ASCC3: variants seen among roughly 807,000 people sequenced by gnomAD.
The protein encoded by ASCC3 is activating signal cointegrator 1 complex subunit 3, also known as ASC-1 complex subunit P200.
A neutral mutation model predicts 256.3 loss-of-function variants in ASCC3; 158 were observed. The ratio of observed to expected loss-of-function variants is 0.62; its 90% CI spans 0.54 to 0.70. The LOEUF (loss-of-function observed/expected upper bound fraction) is 0.70. ASCC3 is among the 30% of genes least tolerant of loss of function. ASCC3 has a pLI of 0.00. For missense variants in ASCC3, 2,259 were observed against 2,626.0 expected (o/e 0.86, Z 3.05); for synonymous variants, 948 against 883.4 (o/e 1.07, Z -1.30).
chr6:100,704,080 G>C (rs1362273904), intron 13 of ASCC3, among the ~76,000 whole-genome samples: 1 of 151,334 alleles, frequency 6.6e-6, no homozygotes, highest in East Asian at 1.9e-4. Flanking sequence ...AATATGGATA[G>C]GGGAATTTCA....
intron 22 of ASCC3, among the ~76,000 whole-genome samples, chr6:100,644,780 AC>A (rs1306529936): frequency 1.3e-5 from 2 of 152,118 alleles, no homozygotes; most frequent in East Asian, 3.9e-4. Flanking sequence ...CATGACAAAT[AC>A]TGGCCCAATT....
chr6:100,596,193 A>G (rs1772286646), intron 34 of ASCC3, among the ~76,000 whole-genome samples: 1 of 152,128 alleles, frequency 6.6e-6, no homozygotes, highest in South Asian at 2.1e-4. Flanking sequence ...ATATTACACA[A>G]TGAGAATGTA....
chr6:100,649,461 T>C (rs1354016376), intron 20 of ASCC3, among the ~76,000 whole-genome samples: 2 of 151,566 alleles, frequency 1.3e-5, no homozygotes, highest in Non-Finnish European at 3.0e-5. Flanking sequence ...AAAGAATATA[T>C]AAATATTTTC....
chr6:100,695,769 T>C (rs1778052387), intron 13 of ASCC3, among the ~76,000 whole-genome samples: 1 of 152,174 alleles, frequency 6.6e-6, no homozygotes, highest in South Asian at 2.1e-4. Context: ...CCATAGCTCC[T>C]ATACAAGCTC....
At chr6:100,587,172 A>G (rs976952753) in intron 36 of ASCC3, among the ~76,000 whole-genome samples, 1 of 152,124 alleles carries the variant, frequency 6.6e-6, no homozygotes, top group African/African-American at 2.4e-5. Flanking sequence ...ATCATCCTGC[A>G]CCCTACAGCT....
chr6:100,521,271 C>T (rs755147088), intron 37 of ASCC3, among the ~76,000 whole-genome samples: 7 of 152,114 alleles, frequency 4.6e-5, no homozygotes, highest in East Asian at 1.9e-4. Flanking sequence ...AATTTGAATA[C>T]GCCAAAGGGA....
At chr6:100,654,444 C>T (rs1775823006) in intron 17 of ASCC3, among the ~76,000 whole-genome samples, 1 of 151,872 alleles carries the variant, frequency 6.6e-6, no homozygotes, top group Non-Finnish European at 1.5e-5. Flanking sequence ...TTATCTTGTT[C>T]CAAAATTTGA....
chr6:100,758,678 AAT>A (rs1781298102), intron 10 of ASCC3, among the ~76,000 whole-genome samples: 1 of 152,168 alleles, frequency 6.6e-6, no homozygotes, highest in South Asian at 2.1e-4. Context: ...TGCTATTGCA[AAT>A]AGTGCTGCAA....
intron 13 of ASCC3, among the ~76,000 whole-genome samples, chr6:100,707,332 T>G (rs1041547668): frequency 1.3e-5 from 2 of 152,074 alleles, no homozygotes; most frequent in African/African-American, 4.8e-5. Context: ...TTTATGCTTC[T>G]GTCATATTTT....
chr6:100,699,462 T>C (rs544447548), intron 13 of ASCC3, among the ~76,000 whole-genome samples: 12 of 152,314 alleles, frequency 7.9e-5, no homozygotes, highest in Admixed American at 7.8e-4. Context: ...ACCTCTTTTT[T>C]TGTAAATTGC....
chr6:100,608,315 T>TTA (rs1256161011), intron 30 of ASCC3, among the ~76,000 whole-genome samples: 8 of 99,504 alleles, frequency 8.0e-5, no homozygotes, highest in Non-Finnish European at 1.4e-4. Context: ...TATGTATACC[T>TTA]TATATATATA....
At chr6:100,805,609 A>T in intron 5 of ASCC3, 151 bp downstream of exon 5, 1 of 1,002,268 alleles carries the variant, frequency 1.0e-6, no homozygotes, top group Non-Finnish European at 1.4e-6. Context: ...GTTTTTTCAT[A>T]ATATGCCATA....
intron 4 of ASCC3, among the ~76,000 whole-genome samples, chr6:100,818,326 T>C (rs1426739926): frequency 6.6e-6 from 1 of 151,968 alleles, no homozygotes; most frequent in Non-Finnish European, 1.5e-5. Flanking sequence ...CCCAGCACTT[T>C]GGGAGGCCAA....
intron 13 of ASCC3, among the ~76,000 whole-genome samples, chr6:100,709,419 A>G (rs2115011619): frequency 6.6e-6 from 1 of 152,288 alleles, no homozygotes; most frequent in South Asian, 2.1e-4. Context: ...TTTTATCAAC[A>G]CAAACACCTG....
chr6:100,717,377 A>T (rs1394991052), intron 12 of ASCC3, among the ~76,000 whole-genome samples: 1 of 152,012 alleles, frequency 6.6e-6, no homozygotes, highest in Non-Finnish European at 1.5e-5. Context: ...AAAGGCCTGT[A>T]AATATTTTCC....
intron 4 of ASCC3, among the ~76,000 whole-genome samples, chr6:100,826,582 C>A (rs1018412515): frequency 6.6e-6 from 1 of 152,004 alleles, no homozygotes; most frequent in Non-Finnish European, 1.5e-5. Flanking sequence ...TGAATCTGAC[C>A]CTCACAAGTT....
Position 100,536,630 on chromosome 6 carries a change from A to T in ASCC3, c.5775+3533T>A, listed in dbSNP as rs141295909. The stretch of plus-strand genomic sequence containing the variant: ...CCCTACCATCCATCACCACACCTAG[A>T]TAATTTTTAATTTTTTCGTGGAGAT... On this transcript the variant is annotated intron_variant, in intron 37 of 41. Transcript: ENST00000369162. 2.0e-3 allele frequency among the ~76,000 whole-genome samples: 298 copies of T among 152,158 alleles called. 4 individuals are homozygous for T. Among genetic ancestry groups the T allele is most frequent in the Admixed American group, 0.018 (276 of 15,278 alleles).
At chr6:100,796,265 A>C (rs1306105235) in intron 8 of ASCC3, among the ~76,000 whole-genome samples, 2 of 152,182 alleles carry the variant, frequency 1.3e-5, no homozygotes, top group African/African-American at 4.8e-5. Flanking sequence ...TGGTACAGTC[A>C]CTCTAGAAAA....
chr6:100,667,425 C>T (rs772979423), intron 14 of ASCC3, among the ~76,000 whole-genome samples: 8 of 152,108 alleles, frequency 5.3e-5, no homozygotes, highest in Non-Finnish European at 1.0e-4. Flanking sequence ...TTTACATTGT[C>T]TTGAACATAG....
Sources: gnomAD v4.1 joint callset for allele counts (sites outside exome capture counted in the v4.1 genomes callset) on GRCh38, gnomAD v4.1.1 for gene constraint, MANE v1.5 for transcripts, NCBI Gene and HGNC (gene_info 2026-07-23, HGNC 2026-07-21) for gene names.